The following TFAP2D variants were observed in gnomAD, a reference collection of about 807,000 sequenced individuals.
The protein encoded by TFAP2D is transcription factor AP-2 delta, also known as transcription factor AP-2-delta.
A neutral mutation model predicts 43.6 loss-of-function variants in TFAP2D; 9 were observed. That is an observed-to-expected ratio of 0.21 (90% CI 0.12 to 0.36). The LOEUF (loss-of-function observed/expected upper bound fraction) is 0.36. Among genes scored for constraint, TFAP2D ranks in the 10% least tolerant of loss-of-function variants. The probability of loss-of-function intolerance (pLI) is 1.00; values close to 1 mark genes in which losing one functional copy is unlikely to be tolerated. For missense variants in TFAP2D, 513 were observed against 561.4 expected (o/e 0.91, Z 0.87); for synonymous variants, 256 against 224.9 (o/e 1.14, Z -1.24).
intron 3 of TFAP2D, among the ~76,000 whole-genome samples, chr6:50,724,857 G>C (rs1768785659): frequency 6.6e-6 from 1 of 152,002 alleles, no homozygotes; most frequent in Non-Finnish European, 1.5e-5. Context: ...AAAAAAAAGT[G>C]GCGGGGTTGG....
chr6:50,748,596 G>A (rs1183367338), intron 6 of TFAP2D, among the ~76,000 whole-genome samples: 1 of 151,678 alleles, frequency 6.6e-6, no homozygotes, highest in Non-Finnish European at 1.5e-5. Flanking sequence ...CCAGTGTTTT[G>A]TTGATTAAAT....
At position 50,758,134 on chromosome 6, in the gene TFAP2D, G is replaced by C. The variant is rs1383446504; in HGVS notation, c.1139+6810G>C. Among the ~76,000 whole-genome samples, 3 of 151,630 alleles carry C rather than the reference G, an allele frequency of 2.0e-5. No homozygotes were observed. The Admixed American group carries it at 2.0e-4, about 10-fold the overall frequency. ...TCCTATTTAACTCATAAATTATCCT[G>C]ACAGCCTACCTTCTTAGAAATATAC... On this transcript the variant is annotated intron_variant, in intron 7 of 7. Transcript: ENST00000008391.
At chr6:50,740,969 G>C (rs1245181335) in intron 5 of TFAP2D, among the ~76,000 whole-genome samples, 1 of 151,930 alleles carries the variant, frequency 6.6e-6, no homozygotes, top group Non-Finnish European at 1.5e-5. Flanking sequence ...TTTTGCTTTG[G>C]AGTGTGGAAA....
At chr6:50,740,733 G>A (rs747997691) in intron 5 of TFAP2D, among the ~76,000 whole-genome samples, 1 of 152,012 alleles carries the variant, frequency 6.6e-6, no homozygotes, top group Non-Finnish European at 1.5e-5. Context: ...CACCACACCC[G>A]GCCTAAAGAA....
At chr6:50,745,641 T>C (rs898730382) in intron 6 of TFAP2D, among the ~76,000 whole-genome samples, 11 of 152,092 alleles carry the variant, frequency 7.2e-5, no homozygotes, top group Non-Finnish European at 1.2e-4. Flanking sequence ...CATAAATGTT[T>C]GGGGAATGTG....
intron 7 of TFAP2D, among the ~76,000 whole-genome samples, chr6:50,758,097 T>A (rs992757483): frequency 6.6e-6 from 1 of 151,626 alleles, no homozygotes; most frequent in Non-Finnish European, 1.5e-5. Context: ...AAATGATCAA[T>A]GTGCTTAATT....
intron 7 of TFAP2D, among the ~76,000 whole-genome samples, chr6:50,754,352 G>A (rs1347212581): frequency 7.9e-5 from 12 of 151,946 alleles, no homozygotes; most frequent in Non-Finnish European, 1.6e-4. Flanking sequence ...GTATGTGTGT[G>A]TGTGTGTGTA....
In TFAP2D at chr6:50,715,438, C is replaced by T. The variant is rs748424019; in HGVS notation, c.362C>T (p.Ala121Val). 9 of 1,614,042 alleles carry T rather than the reference C, an allele frequency of 5.6e-6. No individual in the cohort carries two copies. The highest frequency in any genetic ancestry group is 2.7e-5 in the African/African-American group (2 of 74,926). Residue 121 changes from alanine to valine, a missense_variant, in exon 2 of 8, where the codon GCG (alanine) becomes GTG (valine). By Grantham distance (64) the Ala-to-Val change is moderately conservative. Coordinates refer to ENST00000008391, the MANE Select transcript of TFAP2D (RefSeq NM_172238.4). ...TDFINLHNAR[A>V]LKSSCLDEQR... ...TTTATTAACCTGCACAATGCGCGGGCGCTCAAGTCGTCCTGCCTGGACGAG... is the reference window on the plus strand; with the variant it reads ...TTTATTAACCTGCACAATGCGCGGGTGCTCAAGTCGTCCTGCCTGGACGAG...
At chr6:50,760,779 T>G (rs990754875) in intron 7 of TFAP2D, among the ~76,000 whole-genome samples, 2 of 151,958 alleles carry the variant, frequency 1.3e-5, no homozygotes, top group Non-Finnish European at 2.9e-5. Context: ...TCTCTCTCCA[T>G]GGCCTACATT....
chr6:50,734,030 T>C (rs1450408587), intron 5 of TFAP2D, among the ~76,000 whole-genome samples: 3 of 151,448 alleles, frequency 2.0e-5, no homozygotes, highest in Middle Eastern at 3.4e-3. Flanking sequence ...TTAAACAGTG[T>C]GGGACAATGG....
intron 5 of TFAP2D, among the ~76,000 whole-genome samples, chr6:50,742,418 T>A (rs1211118466): frequency 2.6e-5 from 4 of 152,166 alleles, no homozygotes; most frequent in African/African-American, 9.6e-5. Context: ...ATGGGACAGA[T>A]CCGCAGGAAT....
At chr6:50,721,581 T>C (rs1768725762) in intron 3 of TFAP2D, among the ~76,000 whole-genome samples, 1 of 152,222 alleles carries the variant, frequency 6.6e-6, no homozygotes, top group Non-Finnish European at 1.5e-5. Flanking sequence ...TCAATTGTCA[T>C]GGTAGTACAC....
chr6:50,766,729 C>T (rs1330174349), intron 7 of TFAP2D, among the ~76,000 whole-genome samples: 7 of 124,882 alleles, frequency 5.6e-5, no homozygotes, highest in East Asian at 2.7e-4. Flanking sequence ...ACTGCAGTGG[C>T]GCAATCTCGG....
intron 6 of TFAP2D, 128 bp downstream of exon 6, chr6:50,745,376 G>A (rs1769111219): frequency 7.6e-7 from 1 of 1,319,848 alleles, no homozygotes; most frequent in South Asian, 1.4e-5. Flanking sequence ...CACACAAGCA[G>A]CTAGATATAT....
At chr6:50,714,827 G>C (rs1386942650) in intron 1 of TFAP2D, among the ~76,000 whole-genome samples, 4 of 152,012 alleles carry the variant, frequency 2.6e-5, no homozygotes, top group Non-Finnish European at 4.4e-5. Context: ...GTGTGTGTGT[G>C]TCTGTGCGTG....
At chr6:50,737,218 C>T (rs187084828) in intron 5 of TFAP2D, among the ~76,000 whole-genome samples, 11 of 152,220 alleles carry the variant, frequency 7.2e-5, no homozygotes, top group Admixed American at 2.0e-4. Context: ...GTGACCCTTC[C>T]GCCTTGGCCT....
chr6:50,758,010 T>C (rs1003765117), intron 7 of TFAP2D, among the ~76,000 whole-genome samples: 1 of 151,140 alleles, frequency 6.6e-6, no homozygotes, highest in African/African-American at 2.4e-5. Flanking sequence ...AATATCTCAA[T>C]TGGGTCCTGT....
intron 7 of TFAP2D, among the ~76,000 whole-genome samples, chr6:50,772,393 AATAT>A (rs560903272): frequency 1.3e-5 from 2 of 152,044 alleles, no homozygotes; most frequent in South Asian, 4.1e-4. Context: ...AGTATAATAA[AATAT>A]ATATATAAAT....
At chr6:50,765,120 C>G (rs775136621) in intron 7 of TFAP2D, among the ~76,000 whole-genome samples, 12 of 152,178 alleles carry the variant, frequency 7.9e-5, no homozygotes, top group African/African-American at 2.9e-4. Flanking sequence ...CAACCACCCT[C>G]TACTCTGTTT....
Sources: allele counts gnomAD v4.1 joint callset (sites outside exome capture counted in the v4.1 genomes callset), GRCh38; gene constraint gnomAD v4.1.1; transcripts MANE v1.5; gene names NCBI Gene and HGNC (gene_info 2026-07-23, HGNC 2026-07-21).